The following BAG2 variants were observed in gnomAD, a reference collection of about 807,000 sequenced individuals.
The protein encoded by BAG2 is BAG family molecular chaperone regulator 2.
A neutral mutation model predicts 16.4 loss-of-function variants in BAG2; 8 were observed. The observed-to-expected ratio is 0.49, with a 90% confidence interval of 0.29 to 0.88. The LOEUF (loss-of-function observed/expected upper bound fraction) is 0.88. BAG2 is among the 40% of genes least tolerant of loss of function. BAG2 has a pLI of 0.09. For synonymous variants in BAG2, 82 were observed against 89.2 expected (o/e 0.92, Z 0.46); for missense variants, 218 against 248.9 (o/e 0.88, Z 0.84).
chr6:57,187,392 C>G lies in BAG2; in HGVS notation c.*3202C>G, dbSNP rs1421643913. 2 of 152,100 alleles carry G rather than the reference C, an allele frequency of 1.3e-5. No homozygotes were observed. The highest frequency in any genetic ancestry group is 4.8e-5 in the African/African-American group (2 of 41,412). 9.4% of individuals were successfully genotyped at this position (152,100 alleles called of 1,614,324 possible). ...ATTCATCTGTATGATGAGAGACTTACATGTTTTATAGCTGAAAACCTAAGG... is the reference window on the plus strand; with the variant it reads ...ATTCATCTGTATGATGAGAGACTTAGATGTTTTATAGCTGAAAACCTAAGG... On this transcript the variant is annotated 3_prime_UTR_variant, in exon 3 of 3. Transcript: ENST00000370693.
Position 57,172,591 on chromosome 6 carries a change from GGC to G in BAG2, c.-105_-104del. The G allele has an allele frequency of 5.3e-6, 5 of 945,058 alleles. No individual in the cohort carries two copies. Among genetic ancestry groups the G allele is most frequent in the Non-Finnish European group, 7.3e-6 (5 of 684,786 alleles). 58.5% of individuals were successfully genotyped at this position (945,058 alleles called of 1,614,324 possible). On this transcript the variant is annotated 5_prime_UTR_variant, in exon 1 of 3. Coordinates refer to ENST00000370693, the MANE Select transcript of BAG2 (RefSeq NM_004282.4). ...TTGCCCCCGCGGGCGTCAGAGGGAG[GGC>G]GGGCGCCCGCGTGGTGACGGCGACG...
At chr6:57,173,078 A>T in intron 1 of BAG2, 1 of 927,292 alleles carries the variant, frequency 1.1e-6, no homozygotes, top group Non-Finnish European at 1.4e-6. Context: ...TGATTAATTT[A>T]CCTAGGTGTT....
Position 57,182,797 on chromosome 6 carries a change from C to T in BAG2, c.223+656C>T, listed in dbSNP as rs1028555426. On this transcript the variant is annotated intron_variant, in intron 2 of 2. Coordinates refer to ENST00000370693, the MANE Select transcript of BAG2 (RefSeq NM_004282.4). ...TCCCGAGTAGCTGGGATTACAGGCACGTGCCACCACGCCTGGCTAATTTTT... is the reference window on the plus strand; with the variant it reads ...TCCCGAGTAGCTGGGATTACAGGCATGTGCCACCACGCCTGGCTAATTTTT... Among the ~76,000 whole-genome samples the T allele has an allele frequency of 6.6e-5, 10 of 152,016 alleles. No individual in the cohort carries two copies. The East Asian group carries it at 7.8e-4, about 12-fold the overall frequency.
At position 57,188,200 on chromosome 6, in the gene BAG2, A is replaced by AAT. The variant is rs1321954867; in HGVS notation, c.*4011_*4012dup. The AAT allele has an allele frequency of 6.6e-6, 1 of 152,164 alleles. No homozygotes were observed. The highest frequency in any genetic ancestry group is 1.5e-5 in the Non-Finnish European group (1 of 68,000). The allele number at this position is 152,164 out of a possible 1,614,324, so 9.4% of individuals were successfully genotyped here. ...TGAAGGGTCTTGGAAAAAAAATGTC[A>AAT]ATTTTTGAAGGCTTTAAGAATTGAT... is the stretch of plus-strand genomic sequence containing the variant. On this transcript the variant is annotated 3_prime_UTR_variant, in exon 3 of 3. Transcript: ENST00000370693.
chr6:57,183,340 T>C (rs1341676066), intron 2 of BAG2, among the ~76,000 whole-genome samples: 2 of 152,230 alleles, frequency 1.3e-5, no homozygotes, highest in East Asian at 3.8e-4. Flanking sequence ...AGACAGCTTA[T>C]CTTCTATCGT....
chr6:57,181,130 G>A (rs940799083), intron 1 of BAG2, among the ~76,000 whole-genome samples: 1 of 152,190 alleles, frequency 6.6e-6, no homozygotes, highest in African/African-American at 2.4e-5. Context: ...GTGGAGAGTG[G>A]ATAGGTACAG....
In BAG2 at chr6:57,172,789, G is replaced by T. The variant is rs776699743; in HGVS notation, c.92G>T (p.Ser31Ile). The change falls in exon 1 of 3, where the codon AGC (serine) becomes ATC (isoleucine). Residue 31 changes from serine to isoleucine, a missense_variant. Physicochemically the swap from Ser to Ile is moderately radical, Grantham distance 142 (BLOSUM62 -2). This residue lies in a region of BAG2 where 75 missense variants were observed against 63.1 expected (regional missense o/e 1.19). Coordinates refer to ENST00000370693, the MANE Select transcript of BAG2 (RefSeq NM_004282.4). ...GACCGCTCCAGCCGCCTGCTGGAGA[G>T]CCTGGACCAGCTGGAGCTCAGGTGA... Reference protein sequence around the residue: ...MADRSSRLLESLDQLELRVEA... With the variant: ...MADRSSRLLEILDQLELRVEA... 8.3e-6 allele frequency: 13 copies of T among 1,564,718 alleles called. 1 individual carries two copies. In the South Asian group the frequency reaches 1.5e-4, roughly 18 times the overall value.
At chr6:57,183,146 C>A (rs1480277607) in intron 2 of BAG2, among the ~76,000 whole-genome samples, 1 of 152,206 alleles carries the variant, frequency 6.6e-6, no homozygotes, top group Non-Finnish European at 1.5e-5. Context: ...AGGCCATGAT[C>A]TAGTCTCTAC....
chr6:57,175,903 T>G (rs1434368691), intron 1 of BAG2, among the ~76,000 whole-genome samples: 2 of 152,210 alleles, frequency 1.3e-5, no homozygotes, highest in Non-Finnish European at 2.9e-5. Context: ...GGAACCCCAA[T>G]TTGAAGCCAG....
intron 2 of BAG2, among the ~76,000 whole-genome samples, chr6:57,182,457 C>T (rs1593195776): frequency 1.4e-5 from 2 of 140,576 alleles, no homozygotes; most frequent in East Asian, 4.3e-4. Flanking sequence ...CAGTTCCTCA[C>T]AAGTTACTGG....
rs1012636185 is a variant in BAG2 at position 57,172,517 on chromosome 6, GC to G, written c.-178del. ...CCCGAGCCCCGCGGGCGCCGCGCCT[GC>G]CCTTCTTTGGCTACGCTGCAGCCGC... On this transcript the variant is annotated 5_prime_UTR_variant, in exon 1 of 3. Transcript: ENST00000370693. The G allele has an allele frequency of 1.8e-4, 86 of 464,910 alleles. No individual in the cohort carries two copies. Among genetic ancestry groups the G allele is most frequent in the African/African-American group, 1.6e-3 (79 of 48,612 alleles). 28.8% of individuals were successfully genotyped at this position (464,910 alleles called of 1,614,324 possible).
At position 57,186,198 on chromosome 6, in the gene BAG2, T is replaced by C. The variant is rs531538737; in HGVS notation, c.*2008T>C. 2 of 152,250 alleles carry C rather than the reference T, an allele frequency of 1.3e-5. No individual in the cohort carries two copies. The highest frequency in any genetic ancestry group is 2.1e-4 in the South Asian group (1 of 4,806). 9.4% of individuals were successfully genotyped at this position (152,250 alleles called of 1,614,324 possible). On this transcript the variant is annotated 3_prime_UTR_variant, in exon 3 of 3. Transcript: ENST00000370693. ...ATATCCACTGTAGCAAGGAACACTA[T>C]GGAGTATATGAGTTAGGGAAAAGAG...
At chr6:57,180,517 TA>T (rs1332474841) in intron 1 of BAG2, among the ~76,000 whole-genome samples, 1 of 151,788 alleles carries the variant, frequency 6.6e-6, no homozygotes, top group Non-Finnish European at 1.5e-5. Context: ...ATTTTAGAGA[TA>T]AATAGCGAAT....
rs1426354750 is a variant in BAG2, at chr6:57,188,541, T to G, written c.*4351T>G. 1 of 152,136 alleles carries G rather than the reference T, an allele frequency of 6.6e-6. No individual in the cohort carries two copies. Among genetic ancestry groups the G allele is most frequent in the Non-Finnish European group, 1.5e-5 (1 of 68,000 alleles). 9.4% of individuals were successfully genotyped at this position (152,136 alleles called of 1,614,324 possible). A position where few individuals can be genotyped will look rare whatever the true frequency, so the allele number is the denominator to read the frequency against. Reference sequence around the variant, plus strand: ...TCTGCCAATAAAGACAAAAGACTATTTGTTGCAAAGTATTATTTTGTGCAA... The same window carrying G: ...TCTGCCAATAAAGACAAAAGACTATGTGTTGCAAAGTATTATTTTGTGCAA... On this transcript the variant is annotated 3_prime_UTR_variant, in exon 3 of 3. Transcript: ENST00000370693.
chr6:57,180,645 G>A (rs1269439457), intron 1 of BAG2, among the ~76,000 whole-genome samples: 2 of 151,944 alleles, frequency 1.3e-5, no homozygotes, highest in African/African-American at 2.4e-5. Flanking sequence ...GATGCTAGGT[G>A]GATTAAAGAC....
chr6:57,189,090 G>A lies in BAG2; in HGVS notation c.*4900G>A, dbSNP rs1413782727. On this transcript the variant is annotated 3_prime_UTR_variant, in exon 3 of 3. Coordinates refer to ENST00000370693, the MANE Select transcript of BAG2 (RefSeq NM_004282.4). ...GTTAAAAATAAAGCCATTGATGAGT[G>A]ATAATCAGTTTTAACAGAGTTCACG... The A allele has an allele frequency of 6.6e-6, 1 of 152,188 alleles. No individual in the cohort carries two copies. The highest frequency in any genetic ancestry group is 2.4e-5 in the African/African-American group (1 of 41,466). The allele number at this position is 152,188 out of a possible 1,614,324, so 9.4% of individuals were successfully genotyped here.
At position 57,184,430 on chromosome 6, in the gene BAG2, T is replaced by C. The variant is rs1013371334; in HGVS notation, c.*240T>C. On this transcript the variant is annotated 3_prime_UTR_variant, in exon 3 of 3. Coordinates refer to ENST00000370693, the MANE Select transcript of BAG2 (RefSeq NM_004282.4). ...TCTTGTCTTGTACTAGGATCTAGCA[T>C]ATTTCACTATTCTGTGGATGAATAC... 1 of 314,348 alleles carries C rather than the reference T, an allele frequency of 3.2e-6. No individual in the cohort carries two copies. The highest frequency in any genetic ancestry group is 5.7e-6 in the Non-Finnish European group (1 of 174,750). The allele number at this position is 314,348 out of a possible 1,614,324, so 19.5% of individuals were successfully genotyped here. A position where few individuals can be genotyped will look rare whatever the true frequency, so the allele number is the denominator to read the frequency against.
intron 2 of BAG2, among the ~76,000 whole-genome samples, chr6:57,182,823 A>G (rs1369890543): frequency 6.6e-6 from 1 of 151,682 alleles, no homozygotes; most frequent in Admixed American, 6.6e-5. Context: ...GCTAATTTTT[A>G]TATTTTTAGT....
chr6:57,176,065 T>C (rs1764276112), intron 1 of BAG2, among the ~76,000 whole-genome samples: 1 of 152,124 alleles, frequency 6.6e-6, no homozygotes, highest in Non-Finnish European at 1.5e-5. Flanking sequence ...CCCCCACATA[T>C]TTGGTCACAG....
Sources: gnomAD v4.1 joint callset for allele counts (sites outside exome capture counted in the v4.1 genomes callset) on GRCh38, gnomAD v4.1.1 for gene constraint, gnomAD v4.1.1 regional missense constraint, MANE v1.5 for transcripts, NCBI Gene and HGNC (gene_info 2026-07-23, HGNC 2026-07-21) for gene names.